Variants in PDC observed in about 807,000 individuals in gnomAD.
PDC encodes 33 kDa phototransducing protein.
Under a neutral mutation model 22.2 loss-of-function variants are expected in PDC, and 19 were observed. That is an observed-to-expected ratio of 0.86 (90% CI 0.60 to 1.26). The LOEUF (loss-of-function observed/expected upper bound fraction) is 1.26. PDC is among the 50% of genes most tolerant of loss of function. The probability of loss-of-function intolerance (pLI) is 0.00; values close to 1 mark genes in which losing one functional copy is unlikely to be tolerated. For synonymous variants in PDC, 97 were observed against 96.2 expected (o/e 1.01, Z -0.05); for missense variants, 274 against 286.8 (o/e 0.96, Z 0.32).
At position 186,444,387 on chromosome 1, in the gene PDC, A is replaced by G. The variant is rs772521962; in HGVS notation, c.333T>C (p.Tyr111=). Residue 111 remains tyrosine (Y), a synonymous_variant, in exon 4 of 4, where the codon TAT becomes TAC. Transcript: ENST00000391997. ...MHQKLSFGPR[Y]GFVYELETGK... is the part of the protein sequence containing the mutation. ...CAGTTTCCAGCTCATACACAAACCC[A>G]TATCTAGGCCCAAAACTCAGCTTCT... 1.9e-6 allele frequency: 3 copies of G among 1,614,072 alleles called. No individual in the cohort carries two copies. The highest frequency in any genetic ancestry group is 2.2e-5 in the East Asian group (1 of 44,870).
At chr1:186,454,953 A>C (rs1475897536) in intron 1 of PDC, among the ~76,000 whole-genome samples, 1 of 152,228 alleles carries the variant, frequency 6.6e-6, no homozygotes. Flanking sequence ...ATAAAATCTC[A>C]GTGTGTGGCT....
chr1:186,447,630 CAT>C (rs546097775), intron 2 of PDC, among the ~76,000 whole-genome samples: 21 of 152,096 alleles, frequency 1.4e-4, no homozygotes, highest in Admixed American at 2.6e-4. Flanking sequence ...CTTTAATGTC[CAT>C]ATTCTATATC....
chr1:186,450,602 G>A (rs1289930086), intron 1 of PDC, among the ~76,000 whole-genome samples: 1 of 151,864 alleles, frequency 6.6e-6, no homozygotes, highest in Non-Finnish European at 1.5e-5. Context: ...CAAAATGCTG[G>A]GATTATAGGA....
intron 1 of PDC, among the ~76,000 whole-genome samples, chr1:186,455,994 A>AATATATATATATAT (rs71104863): frequency 3.9e-5 from 3 of 77,102 alleles, no homozygotes; most frequent in African/African-American, 2.1e-4. Context: ...AAAAAAAAAA[A>AATATATATATATAT]ATATATATAT....
At chr1:186,454,168 C>CTTTTTTTTTTTTTTTT (rs397860509) in intron 1 of PDC, among the ~76,000 whole-genome samples, 2 of 94,230 alleles carry the variant, frequency 2.1e-5, no homozygotes, top group Non-Finnish European at 4.0e-5. Flanking sequence ...TCTTTTCTTT[C>CTTTTTTTTTTTTTTTT]TTTTTTTTTT....
chr1:186,452,187 A>G (rs1310501125), intron 1 of PDC, among the ~76,000 whole-genome samples: 1 of 152,200 alleles, frequency 6.6e-6, no homozygotes, highest in Non-Finnish European at 1.5e-5. Flanking sequence ...TTTTCTGATT[A>G]TCCCAAAAAT....
intron 2 of PDC, 23 bp downstream of exon 2, chr1:186,449,376 T>G (rs545283554): frequency 2.0e-5 from 31 of 1,514,514 alleles, no homozygotes; most frequent in Non-Finnish European, 2.8e-5. Flanking sequence ...TTAATAATTA[T>G]TTTTTCTTCT....
In PDC at chr1:186,450,173, C is replaced by T. The variant is rs146428751; in HGVS notation, c.-24-690G>A. Among the ~76,000 whole-genome samples, 327 of 152,206 alleles carry T rather than the reference C, an allele frequency of 2.1e-3. 2 individuals are homozygous for T. The highest frequency in any genetic ancestry group is 2.4e-3 in the Non-Finnish European group (165 of 68,010). On this transcript the variant is annotated intron_variant, in intron 1 of 3. Coordinates refer to ENST00000391997, the MANE Select transcript of PDC (RefSeq NM_002597.5). ...CATTCTATAATAGAGTCATTTTTCT[C>T]AGTATGATTTGGCAAATCAAATCTT...
chr1:186,446,522 A>G lies in PDC; in HGVS notation c.117T>C (p.Ser39=). ...CCTTCTTGCTAGGTGGAATTGAATC[A>G]CTGTCTTGACTCTCTAATTTAAACT... is the stretch of plus-strand genomic sequence containing the variant. ...WRKFKLESQD[S]DSIPPSKKEI... The change falls in exon 3 of 4, where the codon AGT becomes AGC. Residue 39 remains serine (S), a synonymous_variant. Coordinates refer to ENST00000391997, the MANE Select transcript of PDC (RefSeq NM_002597.5). 1 of 1,598,030 alleles carries G rather than the reference A, an allele frequency of 6.3e-7. No individual in the cohort carries two copies. Among genetic ancestry groups the G allele is most frequent in the Non-Finnish European group, 8.6e-7 (1 of 1,166,932 alleles).
rs573328501 is a variant in PDC, at chr1:186,459,158, A to G, written c.-25+1901T>C. Among the ~76,000 whole-genome samples the G allele has an allele frequency of 9.2e-5, 14 of 152,218 alleles. No homozygotes were observed. In the South Asian group the frequency reaches 2.7e-3, roughly 29 times the overall value. The stretch of plus-strand genomic sequence containing the variant: ...GCCTGGGGGACAGAATGAGACTCCA[A>G]CTCAAAAAAAGAAAAAAAGAAAAAG... On this transcript the variant is annotated intron_variant, in intron 1 of 3. Transcript: ENST00000391997.
chr1:186,456,028 C>T (rs1183041321), intron 1 of PDC, among the ~76,000 whole-genome samples: 1 of 112,010 alleles, frequency 8.9e-6, no homozygotes, highest in African/African-American at 3.5e-5. Flanking sequence ...TATATATATG[C>T]ATGCCAGTAT....
chr1:186,455,180 G>C (rs544565585), intron 1 of PDC, among the ~76,000 whole-genome samples: 4 of 152,040 alleles, frequency 2.6e-5, no homozygotes, highest in African/African-American at 7.3e-5. Flanking sequence ...TTCTGGTGCC[G>C]GCCTTCTTCC....
At chr1:186,459,782 T>TATATATATATATATATA (rs1662544269) in intron 1 of PDC, among the ~76,000 whole-genome samples, 10 of 75,852 alleles carry the variant, frequency 1.3e-4, no homozygotes, top group Admixed American at 2.8e-4. Flanking sequence ...ATATATATAT[T>TATATATATATATATATA]TAAAATGGAC....
At chr1:186,450,716 G>A (rs529945126) in intron 1 of PDC, among the ~76,000 whole-genome samples, 13 of 152,136 alleles carry the variant, frequency 8.5e-5, no homozygotes, top group African/African-American at 2.7e-4. Flanking sequence ...CTTGGTGCCC[G>A]CATGTAGAAT....
chr1:186,458,226 C>CTTTTT lies in PDC; in HGVS notation c.-25+2828_-25+2832dup, dbSNP rs1157926478. ...TTTGCTATTATGACATACAGATATTCTTTTTTTTTTTTTTTTTTTTTTTTT... is the reference window on the plus strand; with the variant it reads ...TTTGCTATTATGACATACAGATATTCTTTTTTTTTTTTTTTTTTTTTTTTTTTTTT... On this transcript the variant is annotated intron_variant, in intron 1 of 3. Transcript: ENST00000391997. Among the ~76,000 whole-genome samples, 627 of 88,346 alleles carry CTTTTT rather than the reference C, an allele frequency of 7.1e-3. 54 individuals carry two copies. Among genetic ancestry groups the CTTTTT allele is most frequent in the African/African-American group, 0.025 (543 of 21,786 alleles). 58.0% of individuals were successfully genotyped at this position (88,346 alleles called of 152,430 possible).
chr1:186,459,111 G>A (rs557355636), intron 1 of PDC, among the ~76,000 whole-genome samples: 1 of 152,182 alleles, frequency 6.6e-6, no homozygotes, highest in East Asian at 1.9e-4. Flanking sequence ...GCAGTGAGCC[G>A]ACATCTCGCC....
intron 1 of PDC, chr1:186,451,290 A>G (rs1363164775): frequency 6.6e-6 from 1 of 152,218 alleles, no homozygotes; most frequent in Non-Finnish European, 1.5e-5. Context: ...TATAAATGTA[A>G]TAAAGAATAT....
intron 2 of PDC, 68 bp from the exon 3 acceptor site, chr1:186,446,645 T>C (rs2102128463): frequency 1.1e-6 from 1 of 923,054 alleles, no homozygotes; most frequent in East Asian, 2.5e-5. Context: ...ATAATTGAAA[T>C]TTGTGTAAGT....
At chr1:186,460,530 ATTTATAAAT>A (rs1433393775) in intron 1 of PDC, among the ~76,000 whole-genome samples, 1 of 152,166 alleles carries the variant, frequency 6.6e-6, no homozygotes, top group African/African-American at 2.4e-5. Flanking sequence ...ACTGTGTCTA[ATTTATAAAT>A]TAAACTTTAT....
Sources: allele counts gnomAD v4.1 joint callset (sites outside exome capture counted in the v4.1 genomes callset), GRCh38; gene constraint gnomAD v4.1.1; transcripts MANE v1.5; gene names NCBI Gene and HGNC (gene_info 2026-07-23, HGNC 2026-07-21).